STRBP: variants seen among roughly 807,000 people sequenced by gnomAD.
STRBP encodes spermatid perinuclear RNA-binding protein.
Under a neutral mutation model 80.1 loss-of-function variants are expected in STRBP, and 13 were observed. The ratio of observed to expected loss-of-function variants is 0.16; its 90% CI spans 0.11 to 0.26. STRBP has a LOEUF of 0.26. Ranked by LOEUF, STRBP falls within the 10% of genes least tolerant of loss-of-function variation. STRBP has a pLI of 1.00. For synonymous variants in STRBP, 284 were observed against 291.2 expected, an observed-to-expected ratio of 0.98 and a Z score of 0.25; for missense variants, 485 against 815.2, an observed-to-expected ratio of 0.59 and a Z score of 4.93.
chr9:123,149,319 T>C (rs955196296), intron 11 of STRBP, among the ~76,000 whole-genome samples: 24 of 152,334 alleles, frequency 1.6e-4, no homozygotes, highest in African/African-American at 5.8e-4. Context: ...TATATTTCAT[T>C]TGCATTACAT....
chr9:123,122,355 T>A lies in STRBP; in HGVS notation c.*3242A>T, dbSNP rs1364034479. ...AAATACACAGAGGGTCCAACACCAG[T>A]TTTAAAAATACATTAACGAGGTATT... On this transcript the variant is annotated 3_prime_UTR_variant, in exon 19 of 19. Transcript: ENST00000348403. The A allele has an allele frequency of 7.8e-7, 1 of 1,286,644 alleles. No homozygotes were observed. The highest frequency in any genetic ancestry group is 1.0e-6 in the Non-Finnish European group (1 of 987,922). The allele number at this position is 1,286,644 out of a possible 1,614,324, so 79.7% of individuals were successfully genotyped here.
At position 123,234,196 on chromosome 9, in the gene STRBP, G is replaced by A. The variant is rs150602821; in HGVS notation, c.-165+2634C>T. On this transcript the variant is annotated intron_variant, in intron 2 of 18. Coordinates refer to ENST00000348403, the MANE Select transcript of STRBP (RefSeq NM_018387.5). ...AGCCTGGGCGACAGAGCGAGACGCC[G>A]TGTCAAAAAAAAAAAAAAAAAAAGA... Among the ~76,000 whole-genome samples the A allele has an allele frequency of 1.6e-3, 206 of 129,830 alleles. 3 individuals carry two copies. The East Asian group carries it at 0.051, about 32-fold the overall frequency. The allele number at this position is 129,830 out of a possible 152,430, so 85.2% of individuals were successfully genotyped here. A position where few individuals can be genotyped will look rare whatever the true frequency, so the allele number is the denominator to read the frequency against.
At chr9:123,213,921 CAAA>C (rs553752750) in intron 2 of STRBP, 8 of 61,216 alleles carry the variant, frequency 1.3e-4, no homozygotes, top group Non-Finnish European at 9.8e-5. Context: ...GACTCCATCT[CAAA>C]AAAAAAAAAA....
intron 12 of STRBP, 62 bp downstream of exon 12, chr9:123,147,716 T>C: frequency 7.3e-7 from 1 of 1,365,562 alleles, no homozygotes; most frequent in Non-Finnish European, 9.9e-7. Context: ...ACTTTTAATT[T>C]TTCTATCTGA....
At chr9:123,145,174 C>G (rs2036760985) in intron 13 of STRBP, among the ~76,000 whole-genome samples, 1 of 152,184 alleles carries the variant, frequency 6.6e-6, no homozygotes, top group Non-Finnish European at 1.5e-5. Context: ...CAGTGTCATT[C>G]AGATCATAAC....
At chr9:123,158,265 A>G in intron 10 of STRBP, 67 bp downstream of exon 10, 1 of 1,574,206 alleles carries the variant, frequency 6.4e-7, no homozygotes, top group Admixed American at 1.7e-5. Flanking sequence ...AAGTGTTTGA[A>G]CACAATTGAG....
At position 123,123,742 on chromosome 9, in the gene STRBP, G is replaced by A. The variant is rs1420556169; in HGVS notation, c.*1855C>T. The A allele has an allele frequency of 8.9e-5, 88 of 985,262 alleles. No homozygotes were observed. The highest frequency in any genetic ancestry group is 1.0e-4 in the Non-Finnish European group (87 of 829,936). 61.0% of individuals were successfully genotyped at this position (985,262 alleles called of 1,614,324 possible). Reference sequence around the variant, plus strand: ...AATTTCAAATAACAATACAGCCGCAGCTGCCAATTAATAGTATTCCAAAGA... The same window carrying A: ...AATTTCAAATAACAATACAGCCGCAACTGCCAATTAATAGTATTCCAAAGA... On this transcript the variant is annotated 3_prime_UTR_variant, in exon 19 of 19. Coordinates refer to ENST00000348403, the MANE Select transcript of STRBP (RefSeq NM_018387.5).
Position 123,184,183 on chromosome 9 carries a change from C to G in STRBP, c.-49G>C. On this transcript the variant is annotated 5_prime_UTR_variant, in exon 3 of 19. Coordinates refer to ENST00000348403, the MANE Select transcript of STRBP (RefSeq NM_018387.5). ...CTTTTTCCGATCCTTTCCCCTCTTTCTTGTCGTCTTCACTAGACACTGTTT... is the reference window on the plus strand; with the variant it reads ...CTTTTTCCGATCCTTTCCCCTCTTTGTTGTCGTCTTCACTAGACACTGTTT... 1 of 1,600,348 alleles carries G rather than the reference C, an allele frequency of 6.2e-7. No individual in the cohort carries two copies. Among genetic ancestry groups the G allele is most frequent in the Admixed American group, 1.7e-5 (1 of 59,210 alleles).
chr9:123,114,817 A>G (rs1300423193), intron 3 of STRBP: 6 of 239,126 alleles, frequency 2.5e-5, no homozygotes, highest in African/African-American at 6.9e-5. Flanking sequence ...GATGGGTGCT[A>G]TTGTTCCTTG....
At chr9:123,141,495 T>C (rs2036590069) in intron 13 of STRBP, among the ~76,000 whole-genome samples, 1 of 152,200 alleles carries the variant, frequency 6.6e-6, no homozygotes, top group African/African-American at 2.4e-5. Context: ...ATGCTCTCCC[T>C]GAGAAATCTC....
intron 3 of STRBP, chr9:123,180,916 CG>C: frequency 1.0e-6 from 1 of 984,784 alleles, no homozygotes; most frequent in Non-Finnish European, 1.2e-6. Context: ...TGAAGTCCAT[CG>C]CAAACTAAAA....
chr9:123,236,137 T>C (rs1457097203), intron 2 of STRBP, among the ~76,000 whole-genome samples: 3 of 152,188 alleles, frequency 2.0e-5, no homozygotes, highest in African/African-American at 7.2e-5. Flanking sequence ...CTCCTCCAGC[T>C]GCTCTAAAGT....
At chr9:123,249,771 C>T (rs1415378995) in intron 1 of STRBP, among the ~76,000 whole-genome samples, 1 of 152,110 alleles carries the variant, frequency 6.6e-6, no homozygotes, top group Admixed American at 6.5e-5. Context: ...TTTAGGAACC[C>T]CTGGAGGTCC....
chr9:123,187,701 A>G (rs1317455100), intron 2 of STRBP, among the ~76,000 whole-genome samples: 1 of 152,154 alleles, frequency 6.6e-6, no homozygotes, highest in East Asian at 1.9e-4. Flanking sequence ...CTTTAGGTTT[A>G]TAGAAAAGTT....
chr9:123,206,457 T>A (rs2039518065), intron 2 of STRBP, among the ~76,000 whole-genome samples: 1 of 152,106 alleles, frequency 6.6e-6, no homozygotes. Context: ...AATGTATGAA[T>A]GTGGATATCT....
At chr9:123,128,377 A>G (rs1210225086) in intron 17 of STRBP, 119 bp from the exon 18 acceptor site, 1 of 1,106,114 alleles carries the variant, frequency 9.0e-7, no homozygotes, top group Non-Finnish European at 1.4e-6. Context: ...CAGATGTTGG[A>G]TGAATGAGAA....
chr9:123,137,518 C>T (rs2036409090), intron 14 of STRBP, among the ~76,000 whole-genome samples: 1 of 152,150 alleles, frequency 6.6e-6, no homozygotes, highest in African/African-American at 2.4e-5. Flanking sequence ...CAGGTAATTC[C>T]TGCCTCAGCG....
At chr9:123,209,072 T>C (rs552996785) in intron 2 of STRBP, among the ~76,000 whole-genome samples, 1 of 152,284 alleles carries the variant, frequency 6.6e-6, no homozygotes, top group African/African-American at 2.4e-5. Flanking sequence ...ATCACAATCC[T>C]GTGCAGCCTG....
At chr9:123,207,497 T>C (rs2039560260) in intron 2 of STRBP, among the ~76,000 whole-genome samples, 1 of 152,146 alleles carries the variant, frequency 6.6e-6, no homozygotes, top group Non-Finnish European at 1.5e-5. Context: ...CATACTTTTT[T>C]AGTATAAAAA....
Sources: allele counts gnomAD v4.1 joint callset (sites outside exome capture counted in the v4.1 genomes callset), GRCh38; gene constraint gnomAD v4.1.1; transcripts MANE v1.5; gene names NCBI Gene and HGNC (gene_info 2026-07-23, HGNC 2026-07-21).